The following MLST8 variants were observed in gnomAD, a reference collection of about 807,000 sequenced individuals.
MLST8 encodes MTOR associated protein MLST8.
In MLST8, 20 loss-of-function variants were observed where a neutral mutation model predicts 41.3. The ratio of observed to expected loss-of-function variants is 0.48; its 90% CI spans 0.34 to 0.70. The LOEUF is 0.70. MLST8 is among the 30% of genes least tolerant of loss of function. The pLI, the probability that MLST8 is intolerant of heterozygous loss-of-function variation, is 0.01. For synonymous variants in MLST8, 243 were observed against 183.0 expected (o/e 1.33, Z -2.65); for missense variants, 422 against 454.3 (o/e 0.93, Z 0.65).
At chr16:2,205,937 G>C (rs900125934) in intron 1 of MLST8, 94 bp from the exon 2 acceptor site, 39 of 1,448,238 alleles carry the variant, frequency 2.7e-5, no homozygotes, top group Non-Finnish European at 3.5e-5. Flanking sequence ...ACTCTAAAAT[G>C]GGAATGATAA....
chr16:2,206,515 T>G lies in MLST8; in HGVS notation c.200T>G (p.Met67Arg). The G allele has an allele frequency of 6.2e-7, 1 of 1,611,616 alleles. No individual in the cohort carries two copies. ...TCCCTAGGTTACCAGCACATCCGCA[T>G]GTATGATCTCAACTCCAATAACCCT... The part of the protein sequence containing the change: ...IAAAGYQHIR[M>R]YDLNSNNPNP... Residue 67 changes from methionine (M) to arginine (R), a missense_variant, in exon 4 of 9, where the codon ATG (methionine) becomes AGG (arginine). Met to Arg is a moderately conservative substitution (Grantham distance 91). Transcript: ENST00000569417.
In MLST8 at chr16:2,206,092, A is replaced by C; in HGVS notation, c.7A>C (p.Thr3Pro). The change falls in exon 2 of 9, where the codon ACC (threonine) becomes CCC (proline). Residue 3 changes from threonine to proline, a missense_variant. Thr to Pro is a conservative substitution (Grantham distance 38, BLOSUM62 -1). Coordinates refer to ENST00000569417, the MANE Select transcript of MLST8 (RefSeq NM_022372.6). ...GGCCCGTGCAGGCCACACCATGAAC[A>C]CCTCCCCAGGCACGGTGGGCAGTGA... MN[T>P]SPGTVGSDPV... 1 of 1,598,704 alleles carries C rather than the reference A, an allele frequency of 6.3e-7. No individual in the cohort carries two copies. The highest frequency in any genetic ancestry group is 8.5e-7 in the Non-Finnish European group (1 of 1,169,906).
At position 2,206,412 on chromosome 16, in the gene MLST8, A is replaced by G; in HGVS notation, c.181+3A>G. ...CCGCAGCATGATTGCTGCTGCAGGTATCTGTGATCCTTGATCTCTAAACTC... is the reference window on the plus strand; with the variant it reads ...CCGCAGCATGATTGCTGCTGCAGGTGTCTGTGATCCTTGATCTCTAAACTC... On this transcript the variant is annotated splice_donor_region_variant and intron_variant, in intron 3 of 8. Transcript: ENST00000569417. 1.2e-6 allele frequency: 2 copies of G among 1,614,170 alleles called. No homozygotes were observed. The highest frequency in any genetic ancestry group is 1.1e-5 in the South Asian group (1 of 91,090).
intron 2 of MLST8, 52 bp from the exon 3 acceptor site, chr16:2,206,306 G>T: frequency 1.2e-6 from 2 of 1,610,198 alleles, no homozygotes; most frequent in South Asian, 2.2e-5. Context: ...TGGAGGCCTG[G>T]GGGGCCCTGG....
At chr16:2,208,069 G>A in intron 6 of MLST8, 141 bp from the exon 7 acceptor site, 1 of 986,274 alleles carries the variant, frequency 1.0e-6, no homozygotes, top group Non-Finnish European at 1.4e-6. Flanking sequence ...GCCTTCTGCA[G>A]GCAGGACCAG....
chr16:2,207,128 G>A lies in MLST8; in HGVS notation c.420+18G>A. 1.2e-6 allele frequency: 2 copies of A among 1,613,336 alleles called. No homozygotes were observed. The highest frequency in any genetic ancestry group is 1.3e-5 in the African/African-American group (1 of 75,030). ...CCAACCAGGTGAGGGGTGCTCATGG[G>A]GCCAGGCACCCTGGGACTTTGGAGG... On this transcript the variant is annotated intron_variant, in intron 5 of 8. Transcript: ENST00000569417.
intron 1 of MLST8, 150 bp from the exon 2 acceptor site, chr16:2,205,879 TCA>T: frequency 7.3e-7 from 1 of 1,374,892 alleles, no homozygotes; most frequent in Admixed American, 2.7e-5. Context: ...GAGCCAGGTA[TCA>T]CGCGTGTGAC....
At position 2,207,022 on chromosome 16, in the gene MLST8, G is replaced by T. The variant is rs1252919008; in HGVS notation, c.345-13G>T. On this transcript the variant is annotated splice_polypyrimidine_tract_variant and intron_variant, in intron 4 of 8. Coordinates refer to ENST00000569417, the MANE Select transcript of MLST8 (RefSeq NM_022372.6). The stretch of plus-strand genomic sequence containing the variant: ...GCCCAGATGGACAGCATGTGCCCCG[G>T]CCCGGCCCGCAGGTCCCGGAACCTG... 1.2e-6 allele frequency: 2 copies of T among 1,612,380 alleles called. No homozygotes were observed. The highest frequency in any genetic ancestry group is 1.7e-6 in the Non-Finnish European group (2 of 1,179,714).
At chr16:2,206,698 G>A in intron 4 of MLST8, 39 bp downstream of exon 4, 2 of 1,601,502 alleles carry the variant, frequency 1.2e-6, no homozygotes, top group Admixed American at 1.7e-5. Context: ...GGGCTGGGGT[G>A]GGCTGCTCTG....
At chr16:2,207,573 T>G in intron 6 of MLST8, 3 of 567,694 alleles carry the variant, frequency 5.3e-6, no homozygotes, top group Non-Finnish European at 9.4e-6. Flanking sequence ...CCCAAGTCGA[T>G]CCACTTCCCT....
intron 2 of MLST8, 25 bp downstream of exon 2, chr16:2,206,239 G>C (rs763789960): frequency 1.9e-5 from 30 of 1,602,088 alleles, no homozygotes; most frequent in Middle Eastern, 1.6e-4. Flanking sequence ...GGGCGGGCAG[G>C]GCGGCGCTGG....
At chr16:2,206,455 G>T in intron 3 of MLST8, 42 bp from the exon 4 acceptor site, 1 of 1,613,408 alleles carries the variant, frequency 6.2e-7, no homozygotes, top group Admixed American at 1.7e-5. Flanking sequence ...CTGGTGGGTC[G>T]ACCTCAGCAC....
rs2093306477 is a variant in MLST8, at chr16:2,207,092, G to A, written c.402G>A (p.Val134=). The change falls in exon 5 of 9, where the codon GTG becomes GTA. Residue 134 remains valine (V), a synonymous_variant. Transcript: ENST00000569417. ...AGGTGAACGCACCCATTAACTGCGT[G>A]TGCCTGCACCCCAACCAGGTGAGGG... ...IFQVNAPINC[V]CLHPNQAELI... 6.2e-7 allele frequency: 1 copy of A among 1,613,898 alleles called. No homozygotes were observed. Among genetic ancestry groups the A allele is most frequent in the Non-Finnish European group, 8.5e-7 (1 of 1,179,990 alleles).
In MLST8 at chr16:2,209,048, T is replaced by G; in HGVS notation, c.*171T>G. 2.7e-6 allele frequency: 2 copies of G among 727,372 alleles called. No individual in the cohort carries two copies. Among genetic ancestry groups the G allele is most frequent in the African/African-American group, 3.5e-5 (2 of 56,836 alleles). The allele number at this position is 727,372 out of a possible 1,614,324, so 45.1% of individuals were successfully genotyped here. A position where few individuals can be genotyped will look rare whatever the true frequency, so the allele number is the denominator to read the frequency against. On this transcript the variant is annotated 3_prime_UTR_variant, in exon 9 of 9. Coordinates refer to ENST00000569417, the MANE Select transcript of MLST8 (RefSeq NM_022372.6). Reference sequence around the variant, plus strand: ...CTGCCCTGGGACTCTCAGCCCCCAGTTGCTTATCCAGATGTGACAGAGCTC... The same window carrying G: ...CTGCCCTGGGACTCTCAGCCCCCAGGTGCTTATCCAGATGTGACAGAGCTC...
chr16:2,209,360 G>T lies in MLST8; in HGVS notation c.*483G>T. 6.2e-7 allele frequency: 1 copy of T among 1,609,204 alleles called. No homozygotes were observed. The highest frequency in any genetic ancestry group is 1.1e-5 in the South Asian group (1 of 90,974). The stretch of plus-strand genomic sequence containing the variant: ...CGGGCCAGGCTGGGCCAGGTCGGGG[G>T]CTCAGTCTGGGAGGTAATAAAAGCA... On this transcript the variant is annotated 3_prime_UTR_variant, in exon 9 of 9. Coordinates refer to ENST00000569417, the MANE Select transcript of MLST8 (RefSeq NM_022372.6).
In MLST8 at chr16:2,207,055, A is replaced by C; in HGVS notation, c.365A>C (p.Gln122Pro). 1 of 1,613,568 alleles carries C rather than the reference A, an allele frequency of 6.2e-7. No homozygotes were observed. Among genetic ancestry groups the C allele is most frequent in the Non-Finnish European group, 8.5e-7 (1 of 1,179,982 alleles). ...WDLRSRNLQC[Q>P]RIFQVNAPIN... ...CGCAGGTCCCGGAACCTGCAGTGCC[A>C]GCGGATCTTCCAGGTGAACGCACCC... Residue 122 changes from glutamine (Q) to proline (P), a missense_variant, in exon 5 of 9, where the codon CAG (glutamine) becomes CCG (proline). By Grantham distance (76) the Gln-to-Pro change is moderately conservative. Transcript: ENST00000569417.
chr16:2,206,211 C>G lies in MLST8; in HGVS notation c.126C>G (p.Asp42Glu). The change falls in exon 2 of 9, where the codon GAC (aspartate) becomes GAG (glutamate). Residue 42 changes from aspartate to glutamate, a missense_variant. By Grantham distance (45) the Asp-to-Glu change is conservative. Transcript: ENST00000569417. ...GICTRTVQHQ[D>E]SQVNALEVTP... ...GCACCCGGACGGTGCAGCACCAGGA[C>G]TCCGTATCCTCCACCCGGGGCGGGC... The G allele has an allele frequency of 1.9e-6, 3 of 1,606,452 alleles. 1 individual carries two copies. Among genetic ancestry groups the G allele is most frequent in the Non-Finnish European group, 2.5e-6 (3 of 1,176,548 alleles).
chr16:2,207,258 C>T lies in MLST8; in HGVS notation c.486C>T (p.Asn162=), dbSNP rs185180342. 38 of 1,614,188 alleles carry T rather than the reference C, an allele frequency of 2.4e-5. No homozygotes were observed. Among genetic ancestry groups the T allele is most frequent in the African/African-American group, 1.3e-4 (10 of 75,052 alleles). The change falls in exon 6 of 9, where the codon AAC becomes AAT. Residue 162 remains asparagine (N), a synonymous_variant. Transcript: ENST00000569417. ...IHIWDLKTDH[N]EQLIPEPEVS... ...TCTGGGACTTGAAAACAGACCACAA[C>T]GAGCAGCTGATCCCTGAGCCCGAGG...
chr16:2,205,660 A>C, intron 1 of MLST8, 148 bp downstream of exon 1: 1 of 987,540 alleles, frequency 1.0e-6, no homozygotes. Flanking sequence ...GCCCTTTCCC[A>C]TCAGGGCCTG....
Sources: allele counts gnomAD v4.1 joint callset, GRCh38; gene constraint gnomAD v4.1.1; transcripts MANE v1.5; gene names NCBI Gene and HGNC (gene_info 2026-07-23, HGNC 2026-07-21).